Variants in TECRL observed in about 807,000 individuals in gnomAD.
TECRL encodes the protein trans-2,3-enoyl-CoA reductase like.
A neutral mutation model predicts 52.8 loss-of-function variants in TECRL; 63 were observed. That is an observed-to-expected ratio of 1.19 (90% CI 0.97 to 1.47). TECRL has a LOEUF of 1.47. TECRL is among the 40% of genes most tolerant of loss of function. The pLI is 0.00. For synonymous variants in TECRL, 164 were observed against 141.9 expected, an observed-to-expected ratio of 1.16 and a Z score of -1.10; for missense variants, 482 against 429.6, an observed-to-expected ratio of 1.12 and a Z score of -1.08.
intron 1 of TECRL, among the ~76,000 whole-genome samples, chr4:64,389,117 C>G (rs997618578): frequency 2.0e-5 from 3 of 151,778 alleles, no homozygotes; most frequent in African/African-American, 7.3e-5. Context: ...TCTTTATTTC[C>G]TTTTTTTCAC....
At chr4:64,321,460 G>T (rs1429032675) in intron 4 of TECRL, among the ~76,000 whole-genome samples, 1 of 152,094 alleles carries the variant, frequency 6.6e-6, no homozygotes, top group African/African-American at 2.4e-5. Context: ...GGAGTGGAAT[G>T]TAAATGCAAA....
intron 11 of TECRL, among the ~76,000 whole-genome samples, chr4:64,280,551 A>C (rs1224309485): frequency 2.0e-5 from 3 of 152,152 alleles, no homozygotes; most frequent in Admixed American, 2.0e-4. Flanking sequence ...AACCACATTA[A>C]TTGTGATTCA....
intron 8 of TECRL, among the ~76,000 whole-genome samples, chr4:64,292,035 T>A (rs938933330): frequency 1.3e-5 from 2 of 152,012 alleles, no homozygotes; most frequent in Admixed American, 6.6e-5. Flanking sequence ...TTCAGGTGAA[T>A]CCAATACAGT....
chr4:64,383,917 T>C (rs1437863924), intron 1 of TECRL, among the ~76,000 whole-genome samples: 3 of 151,958 alleles, frequency 2.0e-5, no homozygotes, highest in South Asian at 4.2e-4. Context: ...GTCCCTGTAG[T>C]GTTTGTTGGG....
intron 2 of TECRL, among the ~76,000 whole-genome samples, chr4:64,358,102 CG>C (rs1338629573): frequency 2.5e-4 from 7 of 27,942 alleles, no homozygotes; most frequent in Non-Finnish European, 4.2e-4. Context: ...ATTGAAAAAA[CG>C]AAAAAAAAAA....
chr4:64,279,910 G>T lies in TECRL; in HGVS notation c.*162C>A. 8.2e-7 allele frequency: 1 copy of T among 1,218,898 alleles called. No individual in the cohort carries two copies. Among genetic ancestry groups the T allele is most frequent in the Non-Finnish European group, 1.0e-6 (1 of 974,404 alleles). The allele number at this position is 1,218,898 out of a possible 1,614,324, so 75.5% of individuals were successfully genotyped here. On this transcript the variant is annotated 3_prime_UTR_variant, in exon 12 of 12. Coordinates refer to ENST00000381210, the MANE Select transcript of TECRL (RefSeq NM_001010874.5). ...TAATTTATACTTTTTATTACCATGT[G>T]CATTTCTCTAAATTTAGTGAAATTT...
At chr4:64,376,450 A>T (rs749956667) in intron 1 of TECRL, among the ~76,000 whole-genome samples, 2 of 151,944 alleles carry the variant, frequency 1.3e-5, no homozygotes, top group Non-Finnish European at 2.9e-5. Flanking sequence ...ATTTAAAAAC[A>T]GTTTATATAG....
chr4:64,354,468 G>A (rs1319860069), intron 2 of TECRL, among the ~76,000 whole-genome samples: 51 of 152,114 alleles, frequency 3.4e-4, no homozygotes, highest in Non-Finnish European at 4.4e-5. Flanking sequence ...TAACATGACA[G>A]ATTTCTAGAA....
At position 64,348,630 on chromosome 4, in the gene TECRL, T is replaced by A. The variant is rs969262757; in HGVS notation, c.287-20074A>T. ...TCTGTCTCATCTACTGACATCAAAG[T>A]GGTCTGTACCCCACTTTAGTCTCCT... On this transcript the variant is annotated intron_variant, in intron 2 of 11. Coordinates refer to ENST00000381210, the MANE Select transcript of TECRL (RefSeq NM_001010874.5). 3.3e-5 allele frequency among the ~76,000 whole-genome samples: 5 copies of A among 152,196 alleles called. No individual in the cohort carries two copies. In the South Asian group the frequency reaches 6.2e-4, roughly 19 times the overall value.
At chr4:64,377,439 C>A (rs192123625) in intron 1 of TECRL, among the ~76,000 whole-genome samples, 187 of 152,098 alleles carry the variant, frequency 1.2e-3, no homozygotes, top group Middle Eastern at 6.8e-3. Flanking sequence ...GTTATCATAA[C>A]TTCCACTTTT....
intron 2 of TECRL, among the ~76,000 whole-genome samples, chr4:64,336,059 A>G (rs1395121736): frequency 3.3e-5 from 5 of 151,722 alleles, no homozygotes; most frequent in Admixed American, 1.3e-4. Context: ...CTCTTTTTCT[A>G]TTGATTGGAA....
intron 2 of TECRL, among the ~76,000 whole-genome samples, chr4:64,331,421 A>T (rs1718631839): frequency 6.6e-6 from 1 of 152,112 alleles, no homozygotes; most frequent in South Asian, 2.1e-4. Context: ...CTATGCATTC[A>T]GTTTAGGTAA....
chr4:64,366,607 T>G (rs543077383), intron 2 of TECRL, among the ~76,000 whole-genome samples: 1 of 152,034 alleles, frequency 6.6e-6, no homozygotes, highest in East Asian at 1.9e-4. Flanking sequence ...GAAAATAACG[T>G]TAATAGACAT....
chr4:64,298,347 C>T (rs1186231878), intron 8 of TECRL, among the ~76,000 whole-genome samples: 1 of 150,992 alleles, frequency 6.6e-6, no homozygotes, highest in African/African-American at 2.4e-5. Context: ...ATGAAATATA[C>T]TTGATTAACA....
chr4:64,307,071 T>A (rs1396736883), intron 6 of TECRL, among the ~76,000 whole-genome samples: 1 of 152,142 alleles, frequency 6.6e-6, no homozygotes, highest in African/African-American at 2.4e-5. Context: ...AGACACCTAT[T>A]CTTCCTCCAA....
intron 2 of TECRL, among the ~76,000 whole-genome samples, chr4:64,360,110 C>A (rs1381549519): frequency 2.0e-5 from 3 of 152,022 alleles, no homozygotes; most frequent in Non-Finnish European, 2.9e-5. Flanking sequence ...ATGATTTATT[C>A]GTACAGTTTT....
chr4:64,325,678 A>G (rs1196477214), intron 3 of TECRL, among the ~76,000 whole-genome samples: 1 of 152,140 alleles, frequency 6.6e-6, no homozygotes, highest in Non-Finnish European at 1.5e-5. Flanking sequence ...GTTAAAAAGG[A>G]CAAAAAATTC....
At chr4:64,334,042 A>AAAAAG (rs1718861570) in intron 2 of TECRL, among the ~76,000 whole-genome samples, 1 of 143,486 alleles carries the variant, frequency 7.0e-6, no homozygotes, top group South Asian at 2.2e-4. Context: ...AAAAAAAAAA[A>AAAAAG]AAAAAAAGAA....
intron 1 of TECRL, among the ~76,000 whole-genome samples, chr4:64,386,650 T>C (rs556357469): frequency 6.6e-6 from 1 of 152,320 alleles, no homozygotes; most frequent in African/African-American, 2.4e-5. Flanking sequence ...TATTAATACT[T>C]ATGCTGTTTT....
Sources: gnomAD v4.1 joint callset for allele counts (sites outside exome capture counted in the v4.1 genomes callset) on GRCh38, gnomAD v4.1.1 for gene constraint, MANE v1.5 for transcripts, NCBI Gene and HGNC (gene_info 2026-07-23, HGNC 2026-07-21) for gene names.